The following PDE4D variants were observed in gnomAD, a reference collection of about 807,000 sequenced individuals.
PDE4D encodes 3',5'-cyclic-AMP phosphodiesterase 4D.
Under a neutral mutation model 87.4 loss-of-function variants are expected in PDE4D, and 24 were observed. That is an observed-to-expected ratio of 0.27 (90% CI 0.20 to 0.39). The LOEUF (loss-of-function observed/expected upper bound fraction) is 0.39. PDE4D is among the 10% of genes least tolerant of loss of function. The pLI is 1.00. For synonymous variants in PDE4D, 384 were observed against 383.2 expected, an observed-to-expected ratio of 1.00 and a Z score of -0.02; for missense variants, 714 against 1,041.0, an observed-to-expected ratio of 0.69 and a Z score of 4.32.
intron 2 of PDE4D, among the ~76,000 whole-genome samples, chr5:60,117,580 C>T (rs1333157557): frequency 6.6e-6 from 1 of 152,026 alleles, no homozygotes; most frequent in East Asian, 1.9e-4. Context: ...TACTGTCTTA[C>T]TTCATGGCCC....
chr5:60,219,002 A>C (rs1392217495), intron 1 of PDE4D, among the ~76,000 whole-genome samples: 1 of 152,170 alleles, frequency 6.6e-6, no homozygotes, highest in East Asian at 1.9e-4. Context: ...CTGTATTTTC[A>C]AATTACCTTC....
intron 1 of PDE4D, among the ~76,000 whole-genome samples, chr5:60,361,418 A>AATCATGAAATCATGAT (rs1760056638): frequency 6.6e-6 from 1 of 152,236 alleles, no homozygotes; most frequent in Non-Finnish European, 1.5e-5. Context: ...GATTCAATAA[A>AATCATGAAATCATGAT]TCAATGGTAA....
intron 1 of PDE4D, among the ~76,000 whole-genome samples, chr5:59,450,670 T>C (rs1799008993): frequency 6.6e-6 from 1 of 152,156 alleles, no homozygotes; most frequent in African/African-American, 2.4e-5. Context: ...ACACAGCAGA[T>C]GATATTCCTA....
intron 1 of PDE4D, among the ~76,000 whole-genome samples, chr5:59,284,474 C>T (rs1309808248): frequency 6.6e-6 from 1 of 152,100 alleles, no homozygotes; most frequent in African/African-American, 2.4e-5. Context: ...TGAGAAGTGT[C>T]TGTTCATCAG....
intron 1 of PDE4D, among the ~76,000 whole-genome samples, chr5:59,641,487 T>A (rs1012501067): frequency 6.6e-6 from 1 of 152,148 alleles, no homozygotes; most frequent in African/African-American, 2.4e-5. Context: ...TCAAATTCTT[T>A]CCAGCTTTTC....
At chr5:60,255,049 C>T (rs1260009807) in intron 1 of PDE4D, among the ~76,000 whole-genome samples, 1 of 151,886 alleles carries the variant, frequency 6.6e-6, no homozygotes, top group Non-Finnish European at 1.5e-5. Context: ...CACTTTGCTT[C>T]CCCGGCTCAG....
Position 59,433,220 on chromosome 5 carries a change from T to G in PDE4D, c.456-217252A>C, listed in dbSNP as rs114134490. On this transcript the variant is annotated intron_variant, in intron 1 of 14. Coordinates refer to ENST00000340635, the MANE Select transcript of PDE4D (RefSeq NM_001104631.2). ...CCTAGGAGGGGTAACAATCAGAAAT[T>G]GAAGAATAAGATATAAACCTCTATG... Among the ~76,000 whole-genome samples, 1,000 of 152,180 alleles carry G rather than the reference T, an allele frequency of 6.6e-3. 13 individuals carry two copies. Among genetic ancestry groups the G allele is most frequent in the African/African-American group, 0.022 (912 of 41,518 alleles).
intron 12 of PDE4D, 45 bp from the exon 13 acceptor site, chr5:58,976,517 T>G: frequency 7.2e-7 from 1 of 1,398,304 alleles, no homozygotes; most frequent in Non-Finnish European, 9.9e-7. Context: ...AAACAGAATT[T>G]ACACATGAAA....
At chr5:59,803,703 A>C (rs941495539) in intron 1 of PDE4D, among the ~76,000 whole-genome samples, 1 of 152,204 alleles carries the variant, frequency 6.6e-6, no homozygotes, top group African/African-American at 2.4e-5. Flanking sequence ...TCTTGAAAAT[A>C]AACAAATACA....
intron 1 of PDE4D, among the ~76,000 whole-genome samples, chr5:59,453,534 G>T (rs1302816753): frequency 1.3e-5 from 2 of 152,230 alleles, no homozygotes; most frequent in Non-Finnish European, 2.9e-5. Context: ...ATAAGAAATT[G>T]AAACAGCCTT....
At chr5:59,217,121 A>T in intron 1 of PDE4D, 1 of 445,126 alleles carries the variant, frequency 2.2e-6, no homozygotes, top group Non-Finnish European at 4.5e-6. Flanking sequence ...AGTCCTTATA[A>T]TCTAGATAAA....
chr5:59,940,816 T>C (rs1249359833), intron 3 of PDE4D, among the ~76,000 whole-genome samples: 1 of 152,184 alleles, frequency 6.6e-6, no homozygotes, highest in East Asian at 1.9e-4. Context: ...TAGGTGGATC[T>C]ATGACTTGAG....
intron 1 of PDE4D, among the ~76,000 whole-genome samples, chr5:60,357,074 A>C (rs910630227): frequency 6.6e-6 from 1 of 152,178 alleles, no homozygotes; most frequent in Non-Finnish European, 1.5e-5. Flanking sequence ...GGAGGAAAGA[A>C]AAGCATTTCA....
chr5:59,608,846 T>C (rs1828594507), intron 1 of PDE4D, among the ~76,000 whole-genome samples: 2 of 152,158 alleles, frequency 1.3e-5, no homozygotes, highest in Non-Finnish European at 2.9e-5. Context: ...AGACTGTGTT[T>C]GACTTCTGTC....
chr5:60,454,127 A>G (rs1746289358), intron 1 of PDE4D, among the ~76,000 whole-genome samples: 1 of 152,112 alleles, frequency 6.6e-6, no homozygotes, highest in South Asian at 2.1e-4. Context: ...AATCATCAAA[A>G]CTGCGACAAC....
At chr5:60,496,262 T>C (rs1749810649) in intron 1 of PDE4D, among the ~76,000 whole-genome samples, 1 of 152,210 alleles carries the variant, frequency 6.6e-6, no homozygotes, top group Non-Finnish European at 1.5e-5. Context: ...AAAGCTTTGT[T>C]CTTCCAAACC....
chr5:59,224,079 A>G (rs1414750846), intron 1 of PDE4D, among the ~76,000 whole-genome samples: 1 of 140,000 alleles, frequency 7.1e-6, no homozygotes, highest in Non-Finnish European at 1.5e-5. Flanking sequence ...TGAGCTCAGG[A>G]GTTCAAGACC....
intron 1 of PDE4D, among the ~76,000 whole-genome samples, chr5:59,671,574 G>C (rs1347579299): frequency 6.6e-6 from 1 of 152,060 alleles, no homozygotes; most frequent in Non-Finnish European, 1.5e-5. Flanking sequence ...TCGGGAGATG[G>C]AGGCAGAAGG....
intron 2 of PDE4D, among the ~76,000 whole-genome samples, chr5:59,209,737 T>C (rs1313051377): frequency 6.6e-6 from 1 of 152,236 alleles, no homozygotes; most frequent in African/African-American, 2.4e-5. Context: ...GCCTCCCTTA[T>C]TTTTTGTTGC....
Sources: gnomAD v4.1 joint callset for allele counts (sites outside exome capture counted in the v4.1 genomes callset) on GRCh38, gnomAD v4.1.1 for gene constraint, MANE v1.5 for transcripts, NCBI Gene and HGNC (gene_info 2026-07-23, HGNC 2026-07-21) for gene names.